Variants in RNF216 observed in about 807,000 individuals in gnomAD.
The protein encoded by RNF216 is E3 ubiquitin-protein ligase RNF216.
In RNF216, 72 loss-of-function variants were observed where a neutral mutation model predicts 110.8. The ratio of observed to expected loss-of-function variants is 0.65; its 90% CI spans 0.54 to 0.79. The LOEUF is 0.79. Ranked by LOEUF, RNF216 falls within the 30% of genes least tolerant of loss-of-function variation. RNF216 has a pLI of 0.00. For synonymous variants in RNF216, 495 were observed against 407.5 expected (o/e 1.21, Z -2.59); for missense variants, 1,342 against 1,141.2 (o/e 1.18, Z -2.54).
Position 5,721,135 on chromosome 7 carries a change from T to G in RNF216, c.1542A>C (p.Glu514Asp). The G allele has an allele frequency of 6.2e-7, 1 of 1,614,078 alleles. No homozygotes were observed. The highest frequency in any genetic ancestry group is 8.5e-7 in the Non-Finnish European group (1 of 1,179,946). ...IKIEKRMFFLENKRRHCRSYD... is the reference protein window; with the variant it reads ...IKIEKRMFFLDNKRRHCRSYD... ...AGGACCTACAATGTCGTCGCTTATT[T>G]TCAAGAAAGAACATCCTCTTTTCTA... The change falls in exon 9 of 17, where the codon GAA becomes GAC. Residue 514 changes from glutamate to aspartate, a missense_variant. Coordinates refer to ENST00000389902, the MANE Select transcript of RNF216 (RefSeq NM_207111.4).
chr7:5,643,421 C>A (rs1186411096), intron 14 of RNF216, among the ~76,000 whole-genome samples: 3 of 151,422 alleles, frequency 2.0e-5, no homozygotes, highest in African/African-American at 4.9e-5. Context: ...GCTCCCGGGG[C>A]AGGACAGGAA....
chr7:5,711,684 A>T, intron 13 of RNF216, 77 bp downstream of exon 13: 1 of 1,118,896 alleles, frequency 8.9e-7, no homozygotes, highest in Non-Finnish European at 1.3e-6. Context: ...TCAGGTAAAC[A>T]GCAGATATTT....
chr7:5,750,839 A>G (rs1304706113), intron 3 of RNF216, among the ~76,000 whole-genome samples: 2 of 152,214 alleles, frequency 1.3e-5, no homozygotes, highest in Non-Finnish European at 2.9e-5. Flanking sequence ...TCTGCAGATA[A>G]CCTGCACTCC....
intron 13 of RNF216, among the ~76,000 whole-genome samples, chr7:5,700,125 T>C (rs1426203533): frequency 1.3e-5 from 2 of 152,156 alleles, no homozygotes. Flanking sequence ...GGTGTTTTCA[T>C]GCTTGCGGTA....
At chr7:5,666,344 C>T (rs1376753952) in intron 13 of RNF216, among the ~76,000 whole-genome samples, 2 of 151,920 alleles carry the variant, frequency 1.3e-5, no homozygotes, top group Admixed American at 6.6e-5. Context: ...AAATAGTTCA[C>T]GATTATAAAC....
intron 13 of RNF216, among the ~76,000 whole-genome samples, chr7:5,692,399 C>A (rs748291749): frequency 6.6e-6 from 1 of 152,182 alleles, no homozygotes; most frequent in African/African-American, 2.4e-5. Flanking sequence ...GAATCAGAAC[C>A]CATCCTTGTT....
At chr7:5,774,205 C>G (rs764081820) in intron 1 of RNF216, among the ~76,000 whole-genome samples, 1 of 152,122 alleles carries the variant, frequency 6.6e-6, no homozygotes, top group African/African-American at 2.4e-5. Flanking sequence ...TTTAGTCAAT[C>G]GGTGGCTCCA....
intron 14 of RNF216, among the ~76,000 whole-genome samples, chr7:5,650,954 A>T (rs1788349194): frequency 6.6e-6 from 1 of 152,134 alleles, no homozygotes. Flanking sequence ...CATATCCTTC[A>T]TATTTAAACT....
chr7:5,753,408 T>C (rs1243762187), intron 2 of RNF216, among the ~76,000 whole-genome samples: 1 of 152,234 alleles, frequency 6.6e-6, no homozygotes. Flanking sequence ...GTTTAAAATA[T>C]TGAAATTTGC....
chr7:5,643,825 C>G (rs1248860358), intron 14 of RNF216, among the ~76,000 whole-genome samples: 3 of 152,194 alleles, frequency 2.0e-5, no homozygotes, highest in Admixed American at 6.5e-5. Flanking sequence ...ACCCACTAAG[C>G]AGGCATTCCC....
At chr7:5,657,107 G>C (rs1301327681) in intron 13 of RNF216, among the ~76,000 whole-genome samples, 1 of 152,248 alleles carries the variant, frequency 6.6e-6, no homozygotes, top group Non-Finnish European at 1.5e-5. Context: ...CTCAGAAGCA[G>C]AACAAAGTAC....
At chr7:5,649,099 C>T (rs1156967486) in intron 14 of RNF216, among the ~76,000 whole-genome samples, 3 of 151,984 alleles carry the variant, frequency 2.0e-5, no homozygotes, top group Admixed American at 6.6e-5. Flanking sequence ...AAGTGACGGC[C>T]GGGCGGGCGC....
intron 3 of RNF216, among the ~76,000 whole-genome samples, chr7:5,745,149 TTAC>T (rs760931090): frequency 6.6e-6 from 1 of 152,058 alleles, no homozygotes; most frequent in Non-Finnish European, 1.5e-5. Context: ...CAGCAGCACA[TTAC>T]TACTACATTA....
chr7:5,635,018 G>A lies in RNF216; in HGVS notation c.2382+6136C>T, dbSNP rs542816266. Among the ~76,000 whole-genome samples the A allele has an allele frequency of 6.0e-4, 92 of 152,134 alleles. 2 individuals are homozygous for A. The highest frequency in any genetic ancestry group is 6.5e-4 in the Non-Finnish European group (44 of 68,032). On this transcript the variant is annotated intron_variant, in intron 15 of 16. Transcript: ENST00000389902. The stretch of plus-strand genomic sequence containing the variant: ...CTCAGGGACCCTATGGGCACCTAAC[G>A]ACCATGTATTTGTGGCAGGAGCCAG...
intron 9 of RNF216, among the ~76,000 whole-genome samples, chr7:5,720,734 C>T (rs544613875): frequency 6.6e-6 from 1 of 152,190 alleles, no homozygotes; most frequent in African/African-American, 2.4e-5. Flanking sequence ...AGCTGACTTG[C>T]ACATTTGATA....
chr7:5,703,951 C>T (rs1372182669), intron 13 of RNF216, among the ~76,000 whole-genome samples: 1 of 152,218 alleles, frequency 6.6e-6, no homozygotes, highest in African/African-American at 2.4e-5. Context: ...CCAGAAGCAT[C>T]ACCTTCAAAT....
intron 15 of RNF216, among the ~76,000 whole-genome samples, chr7:5,626,808 T>G (rs1454029937): frequency 6.6e-6 from 1 of 152,210 alleles, no homozygotes; most frequent in Non-Finnish European, 1.5e-5. Context: ...GTAAATGGGC[T>G]GCTTTGTTAA....
In RNF216 at chr7:5,621,253, CA is replaced by C. The variant is rs1786341494; in HGVS notation, c.*1606del. On this transcript the variant is annotated 3_prime_UTR_variant, in exon 17 of 17. Coordinates refer to ENST00000389902, the MANE Select transcript of RNF216 (RefSeq NM_207111.4). ...GCAGTGGCACAATCTTGGCTCACTG[CA>C]ACCTCTGCCTCCCAGGTTCAAGTGA... is the stretch of plus-strand genomic sequence containing the variant. The C allele has an allele frequency of 6.6e-6, 1 of 151,654 alleles. No homozygotes were observed. The highest frequency in any genetic ancestry group is 2.4e-5 in the African/African-American group (1 of 41,116). The allele number at this position is 151,654 out of a possible 1,614,324, so 9.4% of individuals were successfully genotyped here. A position where few individuals can be genotyped will look rare whatever the true frequency, so the allele number is the denominator to read the frequency against.
intron 13 of RNF216, among the ~76,000 whole-genome samples, chr7:5,698,554 T>C (rs147264686): frequency 6.6e-6 from 1 of 152,212 alleles, no homozygotes; most frequent in Non-Finnish European, 1.5e-5. Flanking sequence ...CCATGCCTTA[T>C]TAAATTTTTT....
Sources: gnomAD v4.1 joint callset for allele counts (sites outside exome capture counted in the v4.1 genomes callset) on GRCh38, gnomAD v4.1.1 for gene constraint, MANE v1.5 for transcripts, NCBI Gene and HGNC (gene_info 2026-07-23, HGNC 2026-07-21) for gene names.